Variants in NDUFA10 observed in about 807,000 individuals in gnomAD.
The protein encoded by NDUFA10 is NADH dehydrogenase [ubiquinone] 1 alpha subcomplex subunit 10, mitochondrial.
A neutral mutation model predicts 47.8 loss-of-function variants in NDUFA10; 40 were observed. The ratio of observed to expected loss-of-function variants is 0.84; its 90% CI spans 0.65 to 1.09. The LOEUF is 1.09. Among genes scored for constraint, NDUFA10 ranks in the 50% least tolerant of loss-of-function variants. The pLI, the probability that NDUFA10 is intolerant of heterozygous loss-of-function variation, is 0.00. For synonymous variants in NDUFA10, 183 were observed against 172.2 expected, an observed-to-expected ratio of 1.06 and a Z score of -0.49; for missense variants, 413 against 451.1, an observed-to-expected ratio of 0.92 and a Z score of 0.76.
intron 4 of NDUFA10, among the ~76,000 whole-genome samples, chr2:239,936,661 G>C (rs1210154999): frequency 1.3e-5 from 2 of 152,198 alleles, no homozygotes; most frequent in Non-Finnish European, 2.9e-5. Flanking sequence ...TTTTAAAAAA[G>C]TAAGTCTTGG....
chr2:239,921,860 T>C (rs1180928461), intron 4 of NDUFA10, among the ~76,000 whole-genome samples: 1 of 151,946 alleles, frequency 6.6e-6, no homozygotes, highest in Non-Finnish European at 1.5e-5. Context: ...CTCAGGTCCA[T>C]CCTCCTGACC....
chr2:239,915,421 G>GCCAC (rs1559277590), intron 4 of NDUFA10, among the ~76,000 whole-genome samples: 1 of 139,072 alleles, frequency 7.2e-6, no homozygotes, highest in Non-Finnish European at 1.5e-5. Context: ...CACATACACA[G>GCCAC]ACACAAATAT....
At chr2:239,971,116 A>C (rs1261345531) in intron 9 of NDUFA10, among the ~76,000 whole-genome samples, 1 of 152,270 alleles carries the variant, frequency 6.6e-6, no homozygotes, top group African/African-American at 2.4e-5. Context: ...TAATGAAAGA[A>C]GTGCCACATA....
intron 6 of NDUFA10, among the ~76,000 whole-genome samples, chr2:240,010,971 T>TC (rs1203483769): frequency 2.6e-5 from 4 of 152,200 alleles, no homozygotes; most frequent in Non-Finnish European, 4.4e-5. Context: ...ATAAAAATCT[T>TC]CAATTCAAGC....
chr2:239,915,141 CAAATATACAGACACACAGAGATACACAA>C (rs1693833700), intron 4 of NDUFA10, among the ~76,000 whole-genome samples: 1 of 99,446 alleles, frequency 1.0e-5, no homozygotes, highest in East Asian at 2.8e-4. Context: ...CAGACACACA[CAAATATACAGACACACAGAGATACACAA>C]ACATACACAC....
chr2:240,025,164 T>TGGCCCC, intron 1 of NDUFA10, 63 bp downstream of exon 1: 19 of 594,902 alleles, frequency 3.2e-5, no homozygotes, highest in Non-Finnish European at 4.7e-5. Flanking sequence ...GTGGAACTGC[T>TGGCCCC]CCCCACCCCG....
At chr2:239,981,968 T>C (rs973875934) in intron 9 of NDUFA10, 2 of 983,522 alleles carry the variant, frequency 2.0e-6, no homozygotes, top group Non-Finnish European at 1.4e-6. Flanking sequence ...TAAGAACCAC[T>C]GCCATGAAAA....
chr2:239,983,480 T>C (rs1695868702), intron 9 of NDUFA10: 3 of 1,550,454 alleles, frequency 1.9e-6, no homozygotes, highest in Non-Finnish European at 1.8e-6. Flanking sequence ...CCGAATTTCC[T>C]TAAACAAAAT....
intron 4 of NDUFA10, among the ~76,000 whole-genome samples, chr2:239,931,548 G>T (rs993361496): frequency 1.3e-5 from 2 of 152,126 alleles, no homozygotes; most frequent in East Asian, 1.9e-4. Context: ...TCGCCACAGC[G>T]TCTTTCCCCC....
intron 9 of NDUFA10, among the ~76,000 whole-genome samples, chr2:239,982,507 T>A (rs1695817842): frequency 6.6e-6 from 1 of 152,254 alleles, no homozygotes. Flanking sequence ...TGGTGGCCTC[T>A]GCGAGTTGAG....
intron 9 of NDUFA10, among the ~76,000 whole-genome samples, chr2:239,984,183 A>G (rs898456466): frequency 6.6e-6 from 1 of 152,170 alleles, no homozygotes; most frequent in Non-Finnish European, 1.5e-5. Context: ...CAGTGAGTCA[A>G]GATCATGCCA....
chr2:240,001,957 G>A (rs1696738430), intron 8 of NDUFA10, among the ~76,000 whole-genome samples: 1 of 152,190 alleles, frequency 6.6e-6, no homozygotes, highest in Non-Finnish European at 1.5e-5. Flanking sequence ...CTTGGCCATT[G>A]TCTCCAGGAT....
intron 7 of NDUFA10, among the ~76,000 whole-genome samples, chr2:240,005,754 T>C (rs966125031): frequency 6.6e-6 from 1 of 152,144 alleles, no homozygotes; most frequent in Non-Finnish European, 1.5e-5. Flanking sequence ...TGACCTTTAA[T>C]GAAATGGTGG....
At chr2:239,904,981 C>T (rs1187282503) in intron 4 of NDUFA10, among the ~76,000 whole-genome samples, 1 of 152,222 alleles carries the variant, frequency 6.6e-6, no homozygotes, top group African/African-American at 2.4e-5. Context: ...ATATAGACAC[C>T]TGTCATTGGG....
chr2:239,996,914 AC>A (rs1234794653), intron 8 of NDUFA10, among the ~76,000 whole-genome samples: 1 of 151,920 alleles, frequency 6.6e-6, no homozygotes, highest in Non-Finnish European at 1.5e-5. Flanking sequence ...AAGATTGGAC[AC>A]CCCTGCTTTA....
intron 4 of NDUFA10, among the ~76,000 whole-genome samples, chr2:239,942,044 C>A (rs899579913): frequency 1.3e-5 from 2 of 152,238 alleles, no homozygotes; most frequent in Non-Finnish European, 2.9e-5. Context: ...ATTGAAAGAT[C>A]ACACCATGTG....
chr2:239,950,706 C>T (rs1440831951), intron 4 of NDUFA10, among the ~76,000 whole-genome samples: 2 of 152,212 alleles, frequency 1.3e-5, no homozygotes, highest in South Asian at 4.1e-4. Context: ...CTGTGCATGT[C>T]ACATGGCCAC....
chr2:239,981,708 G>T (rs1476374092), intron 9 of NDUFA10, among the ~76,000 whole-genome samples: 3 of 152,130 alleles, frequency 2.0e-5, no homozygotes, highest in Non-Finnish European at 4.4e-5. Context: ...CATAAAACAT[G>T]CATGCAACGT....
chr2:239,931,809 C>A (rs1004036475), intron 4 of NDUFA10, among the ~76,000 whole-genome samples: 1 of 151,838 alleles, frequency 6.6e-6, no homozygotes, highest in Non-Finnish European at 1.5e-5. Flanking sequence ...CTCTGAAGAG[C>A]CGCCCTTCAT....
Sources: gnomAD v4.1 joint callset for allele counts (sites outside exome capture counted in the v4.1 genomes callset) on GRCh38, gnomAD v4.1.1 for gene constraint, MANE v1.5 for transcripts, NCBI Gene and HGNC (gene_info 2026-07-23, HGNC 2026-07-21) for gene names.